Variants in DLK2 observed in about 807,000 individuals in gnomAD.
DLK2 encodes the protein delta like non-canonical Notch ligand 2.
A neutral mutation model predicts 31.3 loss-of-function variants in DLK2; 9 were observed. That is an observed-to-expected ratio of 0.29 (90% confidence interval 0.17 to 0.50). The LOEUF (loss-of-function observed/expected upper bound fraction) is 0.50, where lower values mean the gene tolerates loss of function less well. Ranked by LOEUF, DLK2 falls within the 20% of genes least tolerant of loss-of-function variation. The probability of loss-of-function intolerance (pLI) is 0.98; values close to 1 mark genes in which losing one functional copy is unlikely to be tolerated. For missense variants in DLK2, 387 were observed against 526.1 expected, an observed-to-expected ratio of 0.74 and a Z score of 2.59; for synonymous variants, 169 against 201.2, an observed-to-expected ratio of 0.84 and a Z score of 1.35.
intron 4 of DLK2, 101 bp downstream of exon 4, chr6:43,452,904 G>T: frequency 6.7e-7 from 1 of 1,494,162 alleles, no homozygotes; most frequent in East Asian, 2.3e-5. Context: ...CCATGTATTT[G>T]AGGGTTTGAC....
Position 43,450,426 on chromosome 6 carries a change from G to A in DLK2, c.*113C>T, listed in dbSNP as rs1783637539. 8.3e-7 allele frequency: 1 copy of A among 1,203,458 alleles called. No homozygotes were observed. Among genetic ancestry groups the A allele is most frequent in the Non-Finnish European group, 1.1e-6 (1 of 881,072 alleles). 74.5% of individuals were successfully genotyped at this position (1,203,458 alleles called of 1,614,324 possible). Reference sequence around the variant, plus strand: ...ATTAAAAAAATAATATTTCTGGTGTGAGGCTGAGGTCTCCTCTGTGTGTGT... The same window carrying A: ...ATTAAAAAAATAATATTTCTGGTGTAAGGCTGAGGTCTCCTCTGTGTGTGT... On this transcript the variant is annotated 3_prime_UTR_variant, in exon 6 of 6. Transcript: ENST00000372488. This position sits in a 1 kb window ranked among gnomAD's most constrained non-coding sequence, Gnocchi z 4.5.
Position 43,451,769 on chromosome 6 carries a change from AG to A in DLK2, c.416+170del, listed in dbSNP as rs1030613403. 6.6e-6 allele frequency among the ~76,000 whole-genome samples: 1 copy of A among 152,122 alleles called. No homozygotes were observed. The highest frequency in any genetic ancestry group is 2.4e-5 in the African/African-American group (1 of 41,434). On this transcript the variant is annotated intron_variant, in intron 5 of 5. Coordinates refer to ENST00000372488, the MANE Select transcript of DLK2 (RefSeq NM_023932.4). This position sits in a 1 kb window ranked among gnomAD's most constrained non-coding sequence, Gnocchi z 4.4. ...ATGGCTCAGAAGGTACAAAAAAAAA[AG>A]TTGAGAAACCCTGAACTAGGAACAC...
intron 1 of DLK2, 113 bp from the exon 2 acceptor site, chr6:43,454,993 A>G: frequency 2.9e-6 from 2 of 693,252 alleles, no homozygotes. Context: ...GAAGAAGGGG[A>G]TGGGGGTAGC....
rs1581809691 is a variant in DLK2, at chr6:43,450,927, T to G, written c.764A>C (p.Asp255Ala). 6.2e-7 allele frequency: 1 copy of G among 1,613,816 alleles called. No individual in the cohort carries two copies. Among genetic ancestry groups the G allele is most frequent in the South Asian group, 1.1e-5 (1 of 91,062 alleles). ...AGGGGTGTCCACTGTGGTTGGGGGG[T>G]CTGGGACAGGTAAGACAAGCTCACA... ...KTCELVLPVP[D>A]PPTTVDTPLG... Residue 255 changes from aspartate (D) to alanine (A), a missense_variant, in exon 6 of 6, where the codon GAC becomes GCC. Physicochemically the swap from Asp to Ala is moderately radical, Grantham distance 126. Transcript: ENST00000372488. The surrounding 1 kb of genome is among the most constrained non-coding windows in gnomAD (Gnocchi z 4.5).
chr6:43,453,229 A>G lies in DLK2; in HGVS notation c.141-94T>C. 2 of 1,456,128 alleles carry G rather than the reference A, an allele frequency of 1.4e-6. No homozygotes were observed. Among genetic ancestry groups the G allele is most frequent in the Non-Finnish European group, 1.8e-6 (2 of 1,097,818 alleles). 90.2% of individuals were successfully genotyped at this position (1,456,128 alleles called of 1,614,324 possible). A position where few individuals can be genotyped will look rare whatever the true frequency, so the allele number is the denominator to read the frequency against. On this transcript the variant is annotated intron_variant, in intron 3 of 5. Coordinates refer to ENST00000372488, the MANE Select transcript of DLK2 (RefSeq NM_023932.4). This position sits in a 1 kb window ranked among gnomAD's most constrained non-coding sequence, Gnocchi z 4.1. ...GAGCTTCTAGAAACCAAGAGGACATATGACAGCCCCTAAGGGAAAGCAGAC... is the reference window on the plus strand; with the variant it reads ...GAGCTTCTAGAAACCAAGAGGACATGTGACAGCCCCTAAGGGAAAGCAGAC...
rs866841413 is a variant in DLK2, at chr6:43,454,795, C to A, written c.31G>T (p.Val11Leu). Reference protein sequence around the residue: MPSGCRCLHLVCLLCILGAPG... With the variant: MPSGCRCLHLLCLLCILGAPG... The stretch of plus-strand genomic sequence containing the variant: ...GCCCCCAGAATGCACAACAGGCACA[C>A]GAGATGCAGGCAGCGGCAGCCGCTG... Residue 11 changes from valine to leucine, a missense_variant, in exon 2 of 6, where the codon GTG becomes TTG. By Grantham distance (32) the Val-to-Leu change is conservative. Coordinates refer to ENST00000372488, the MANE Select transcript of DLK2 (RefSeq NM_023932.4). 6.4e-7 allele frequency: 1 copy of A among 1,557,846 alleles called. No homozygotes were observed. Among genetic ancestry groups the A allele is most frequent in the Non-Finnish European group, 8.6e-7 (1 of 1,158,204 alleles).
intron 4 of DLK2, 139 bp downstream of exon 4, chr6:43,452,866 G>A (rs1312049789): frequency 6.2e-6 from 8 of 1,298,224 alleles, no homozygotes; most frequent in Non-Finnish European, 8.5e-6. Context: ...CATATAAAAA[G>A]TCTAAGATTT....
upstream of DLK2, among the ~76,000 whole-genome samples, chr6:43,455,814 A>G (rs1783966539): frequency 1.3e-5 from 2 of 151,878 alleles, no homozygotes; most frequent in Non-Finnish European, 2.9e-5. Flanking sequence ...TTATTCTCTC[A>G]TCTCCCATGC....
rs1402408687 is a variant in DLK2 at position 43,455,015 on chromosome 6, GGCAGGGAAGGGTTGA to G, written c.-55-150_-55-136del. 8 of 1,426,578 alleles carry G rather than the reference GGCAGGGAAGGGTTGA, an allele frequency of 5.6e-6. No individual in the cohort carries two copies. The South Asian group carries it at 1.1e-4, about 20-fold the overall frequency. The allele number at this position is 1,426,578 out of a possible 1,614,324, so 88.4% of individuals were successfully genotyped here. On this transcript the variant is annotated intron_variant, in intron 1 of 5. Transcript: ENST00000372488. ...GGGATGGGGGTAGCGGGAGGATGGG[GGCAGGGAAGGGTTGA>G]GCAGGCGAAGAGAGCGAGGAGAGCG...
rs761823773 is a variant in DLK2, at chr6:43,451,320, C to T, written c.417-46G>A. ...GACATGATAACCAACTTACCAACAC[C>T]TGTAGGGCAGCCCAGGTCAGTATCC... On this transcript the variant is annotated intron_variant, in intron 5 of 5. Transcript: ENST00000372488. The surrounding 1 kb of genome is among the most constrained non-coding windows in gnomAD (Gnocchi z 4.4). 11 of 1,585,724 alleles carry T rather than the reference C, an allele frequency of 6.9e-6. No homozygotes were observed. The Admixed American group carries it at 1.7e-4, about 25-fold the overall frequency.
rs1394645718 is a variant in DLK2 at position 43,454,550 on chromosome 6, T to C, written c.77-76A>G. 8 of 1,463,062 alleles carry C rather than the reference T, an allele frequency of 5.5e-6. No individual in the cohort carries two copies. The Admixed American group carries it at 6.1e-5, about 11-fold the overall frequency. 90.6% of individuals were successfully genotyped at this position (1,463,062 alleles called of 1,614,324 possible). A position where few individuals can be genotyped will look rare whatever the true frequency, so the allele number is the denominator to read the frequency against. ...CTGGGATGCGGGACTCAGGAGAGGATTGGGGTTCCAGTAACTGAGCGGACT... is the reference window on the plus strand; with the variant it reads ...CTGGGATGCGGGACTCAGGAGAGGACTGGGGTTCCAGTAACTGAGCGGACT... On this transcript the variant is annotated intron_variant, in intron 2 of 5. Coordinates refer to ENST00000372488, the MANE Select transcript of DLK2 (RefSeq NM_023932.4).
upstream of DLK2, chr6:43,455,975 A>G (rs1189289614): frequency 6.6e-6 from 1 of 152,510 alleles, no homozygotes; most frequent in Admixed American, 6.6e-5. Context: ...CCGCTTGTAA[A>G]GCCTTCATCA....
intron 1 of DLK2, 118 bp downstream of exon 1, chr6:43,455,277 G>GCC (rs572751222): frequency 2.0e-3 from 256 of 128,306 alleles, no homozygotes; most frequent in Non-Finnish European, 2.4e-3. Flanking sequence ...AGCTCCGACA[G>GCC]CCCCCCCCCC....
chr6:43,454,758 G>T lies in DLK2; in HGVS notation c.68C>A (p.Pro23His). 6.4e-7 allele frequency: 1 copy of T among 1,553,142 alleles called. No individual in the cohort carries two copies. Among genetic ancestry groups the T allele is most frequent in the Non-Finnish European group, 8.7e-7 (1 of 1,154,854 alleles). ...CCAGCGGGCGCGCTCACCTCGGACA[G>T]GCTGACCGGGAGCCCCCAGAATGCA... ...LLCILGAPGQPVRADDCSSHC... is the reference protein window; with the variant it reads ...LLCILGAPGQHVRADDCSSHC... Residue 23 changes from proline to histidine, a missense_variant, in exon 2 of 6, where the codon CCT (proline) becomes CAT (histidine). Physicochemically the swap from Pro to His is moderately conservative, Grantham distance 77 (BLOSUM62 -2). Transcript: ENST00000372488.
rs1783832880 is a variant in DLK2 at position 43,453,009 on chromosome 6, G to A, written c.267C>T (p.Asp89=). The change falls in exon 4 of 6, where the codon GAC becomes GAT. Residue 89 remains aspartate, a synonymous_variant. Transcript: ENST00000372488. This position sits in a 1 kb window ranked among gnomAD's most constrained non-coding sequence, Gnocchi z 4.1. ...CHSGWAGKFC[D]KDEHICTTQS... ...GCTACCCTTCCTCCCCCCTACCTTT[G>A]TCACAGAACTTGCCTGCCCAGCCAC... is the stretch of plus-strand genomic sequence containing the variant. The A allele has an allele frequency of 6.2e-7, 1 of 1,613,812 alleles. No homozygotes were observed. The highest frequency in any genetic ancestry group is 1.3e-5 in the African/African-American group (1 of 74,912).
chr6:43,452,979 C>A, intron 4 of DLK2, 26 bp downstream of exon 4: 2 of 1,613,390 alleles, frequency 1.2e-6, no homozygotes. Flanking sequence ...GGTTCCCAAC[C>A]AAAAGCTACC....
chr6:43,451,014 C>G lies in DLK2; in HGVS notation c.677G>C (p.Arg226Pro). The G allele has an allele frequency of 6.2e-7, 1 of 1,614,078 alleles. No individual in the cohort carries two copies. Among genetic ancestry groups the G allele is most frequent in the Non-Finnish European group, 8.5e-7 (1 of 1,179,950 alleles). Residue 226 changes from arginine (R) to proline (P), a missense_variant, in exon 6 of 6, where the codon CGC becomes CCC. Arg to Pro is a moderately radical substitution (Grantham distance 103). Coordinates refer to ENST00000372488, the MANE Select transcript of DLK2 (RefSeq NM_023932.4). This position sits in a 1 kb window ranked among gnomAD's most constrained non-coding sequence, Gnocchi z 4.4. ...GAAGTCGTGGACACGGTCCCGACAG[C>G]GGGCCCCTCTCTGGCATGGGCGGCT... ...CASRPCQRGA[R>P]CRDRVHDFDC...
At chr6:43,455,760 G>A (rs77174569), upstream of DLK2, among the ~76,000 whole-genome samples, 1,157 of 151,856 alleles carry the variant, frequency 7.6e-3, 11 homozygotes, top group African/African-American at 0.026. Flanking sequence ...AATCTTAGGA[G>A]TCTCAATGGG....
At chr6:43,454,565 CTG>C (rs1783897708) in intron 2 of DLK2, 91 bp from the exon 3 acceptor site, 4 of 1,399,976 alleles carry the variant, frequency 2.9e-6, no homozygotes, top group Non-Finnish European at 3.9e-6. Context: ...GTTCCAGTAA[CTG>C]AGCGGACTCA....
Sources: allele counts gnomAD v4.1 joint callset (sites outside exome capture counted in the v4.1 genomes callset), GRCh38; gene constraint gnomAD v4.1.1; non-coding constraint Gnocchi (gnomAD v3.1); transcripts MANE v1.5; gene names NCBI Gene and HGNC (gene_info 2026-07-23, HGNC 2026-07-21).